The following KIF18A variants were observed in gnomAD, a reference collection of about 807,000 sequenced individuals.
The protein encoded by KIF18A is kinesin family member 18A.
A neutral mutation model predicts 103.3 loss-of-function variants in KIF18A; 67 were observed. That is an observed-to-expected ratio of 0.65 (90% CI 0.53 to 0.79). KIF18A has a LOEUF of 0.79. KIF18A is among the 30% of genes least tolerant of loss of function. The pLI, the probability that KIF18A is intolerant of heterozygous loss-of-function variation, is 0.00. For synonymous variants in KIF18A, 367 were observed against 355.5 expected, an observed-to-expected ratio of 1.03 and a Z score of -0.36; for missense variants, 1,032 against 1,062.5, an observed-to-expected ratio of 0.97 and a Z score of 0.40.
Position 28,021,280 on chromosome 11 carries a change from G to T in KIF18A, c.2617C>A (p.His873Asn). 1 of 1,428,496 alleles carries T rather than the reference G, an allele frequency of 7.0e-7. No individual in the cohort carries two copies. The highest frequency in any genetic ancestry group is 1.5e-5 in the South Asian group (1 of 67,572). The allele number at this position is 1,428,496 out of a possible 1,614,324, so 88.5% of individuals were successfully genotyped here. ...TTTATTTTACAGATGTTTCTTTTAT[G>T]TTCTAGAGAAGAAATAAAAAGATGC... ...HLQENKPTME[H>N]KRNICKINPS... The change falls in exon 17 of 17, where the codon CAT (histidine) becomes AAT (asparagine). Residue 873 changes from histidine (H) to asparagine (N), a missense_variant and splice_region_variant. Coordinates refer to ENST00000263181, the MANE Select transcript of KIF18A (RefSeq NM_031217.4).
intron 1 of KIF18A, among the ~76,000 whole-genome samples, chr11:28,106,374 C>G (rs1362037848): frequency 6.6e-6 from 1 of 151,916 alleles, no homozygotes; most frequent in Admixed American, 6.6e-5. Context: ...GGACTGAAAA[C>G]GATACTCAAC....
chr11:28,087,894 A>G (rs960610984), intron 6 of KIF18A, among the ~76,000 whole-genome samples: 2 of 152,224 alleles, frequency 1.3e-5, no homozygotes, highest in Non-Finnish European at 2.9e-5. Flanking sequence ...GGTTTAACTT[A>G]AATTGCCATA....
At chr11:28,101,745 A>G (rs982096750) in intron 1 of KIF18A, among the ~76,000 whole-genome samples, 1 of 152,214 alleles carries the variant, frequency 6.6e-6, no homozygotes, top group Non-Finnish European at 1.5e-5. Context: ...TATAACTGTG[A>G]CAAGTGCCAT....
At chr11:28,072,212 C>A (rs1328525122) in intron 10 of KIF18A, among the ~76,000 whole-genome samples, 4 of 152,150 alleles carry the variant, frequency 2.6e-5, no homozygotes, top group African/African-American at 9.7e-5. Context: ...CCCCTGCACA[C>A]CACAAAAGTC....
In KIF18A at chr11:28,036,064, A is replaced by G. The variant is rs183349266; in HGVS notation, c.2396+153T>C. ...CTTTAAAATATTTTGTTAGTGAATT[A>G]ATATTCAGAGAGAAAGATAATTAAA... is the stretch of plus-strand genomic sequence containing the variant. On this transcript the variant is annotated intron_variant, in intron 14 of 16. Coordinates refer to ENST00000263181, the MANE Select transcript of KIF18A (RefSeq NM_031217.4). Among the ~76,000 whole-genome samples, 4 of 151,686 alleles carry G rather than the reference A, an allele frequency of 2.6e-5. No homozygotes were observed. The East Asian group carries it at 7.8e-4, about 29-fold the overall frequency.
chr11:28,041,465 A>C (rs1850559392), intron 13 of KIF18A, among the ~76,000 whole-genome samples: 1 of 151,806 alleles, frequency 6.6e-6, no homozygotes, highest in Non-Finnish European at 1.5e-5. Flanking sequence ...GGCTAGTTTG[A>C]TTGAAGTGCT....
intron 12 of KIF18A, among the ~76,000 whole-genome samples, chr11:28,061,940 G>T (rs1468675956): frequency 6.6e-6 from 1 of 152,034 alleles, no homozygotes; most frequent in East Asian, 1.9e-4. Flanking sequence ...GTCTGTTATA[G>T]CATCACATAA....
At chr11:28,044,457 C>T (rs1380410278) in intron 13 of KIF18A, among the ~76,000 whole-genome samples, 1 of 152,016 alleles carries the variant, frequency 6.6e-6, no homozygotes, top group African/African-American at 2.4e-5. Context: ...GTAATAGTTA[C>T]TCATTAATAG....
At chr11:28,049,836 A>T (rs886577666) in intron 13 of KIF18A, among the ~76,000 whole-genome samples, 3 of 152,012 alleles carry the variant, frequency 2.0e-5, no homozygotes, top group Admixed American at 2.0e-4. Context: ...TGGAATTCAT[A>T]GTTGCAAATG....
chr11:28,024,937 T>C (rs1268567989), intron 15 of KIF18A, among the ~76,000 whole-genome samples: 1 of 152,084 alleles, frequency 6.6e-6, no homozygotes, highest in African/African-American at 2.4e-5. Flanking sequence ...ACCGGATATA[T>C]ACTATGTATT....
intron 13 of KIF18A, among the ~76,000 whole-genome samples, chr11:28,046,294 C>A (rs1458577748): frequency 6.7e-6 from 1 of 149,256 alleles, no homozygotes; most frequent in Non-Finnish European, 1.5e-5. Flanking sequence ...TTGGAACCAA[C>A]CCAAATGTCC....
intron 15 of KIF18A, among the ~76,000 whole-genome samples, chr11:28,033,004 A>C (rs1355361541): frequency 6.6e-6 from 1 of 151,746 alleles, no homozygotes; most frequent in East Asian, 1.9e-4. Context: ...AAGGAGCTCA[A>C]ACAACTCTAG....
chr11:28,077,162 C>A lies in KIF18A; in HGVS notation c.1270G>T (p.Glu424Ter), dbSNP rs1851104758. ...PQEKEIERFQ[E>*]ILNCLFQNRE... is the part of the protein sequence containing the mutation. ...TTCTGGAACAAGCAGTTCAGGATTT[C>A]TTGAAACCTACCAAAATTAAAACAC... The change falls in exon 10 of 17, where the codon GAA becomes TAA. Residue 424 changes from glutamate (E) to a stop codon, truncating the protein, a stop_gained. Transcript: ENST00000263181. LOFTEE classifies it high-confidence loss of function. 1 of 1,562,382 alleles carries A rather than the reference C, an allele frequency of 6.4e-7. No individual in the cohort carries two copies. The highest frequency in any genetic ancestry group is 8.6e-7 in the Non-Finnish European group (1 of 1,163,756).
At chr11:28,042,423 C>G (rs1475766197) in intron 13 of KIF18A, among the ~76,000 whole-genome samples, 1 of 151,844 alleles carries the variant, frequency 6.6e-6, no homozygotes, top group East Asian at 1.9e-4. Context: ...CATAGACATA[C>G]TATGTTTTCA....
At chr11:28,107,462 A>ATTTGCCAAACAGTATCTCTTCCG (rs1435693943) in intron 1 of KIF18A, among the ~76,000 whole-genome samples, 22 of 151,956 alleles carry the variant, frequency 1.4e-4, no homozygotes, top group African/African-American at 5.3e-4. Context: ...TCTGCAGAGC[A>ATTTGCCAAACAGTATCTCTTCCG]TTTGCCAAAC....
In KIF18A at chr11:28,098,124, AATAC is replaced by A. The variant is rs540337907; in HGVS notation, c.-46-135_-46-132del. ...CTCACTAGGTAAACACTGGGGGAAA[AATAC>A]ATACATACGTAGGCACACACAACAC... On this transcript the variant is annotated intron_variant, in intron 1 of 16. Transcript: ENST00000263181. 135 of 537,406 alleles carry A rather than the reference AATAC, an allele frequency of 2.5e-4. No homozygotes were observed. In the South Asian group the frequency reaches 2.9e-3, roughly 12 times the overall value. The allele number at this position is 537,406 out of a possible 1,614,324, so 33.3% of individuals were successfully genotyped here.
chr11:28,061,121 C>T (rs1850851408), intron 12 of KIF18A, among the ~76,000 whole-genome samples: 1 of 152,146 alleles, frequency 6.6e-6, no homozygotes, highest in African/African-American at 2.4e-5. Context: ...TAGTCCTAGG[C>T]ACCTATAACA....
At chr11:28,055,085 A>G (rs557732994) in intron 13 of KIF18A, among the ~76,000 whole-genome samples, 94 of 152,280 alleles carry the variant, frequency 6.2e-4, no homozygotes, top group African/African-American at 2.2e-3. Flanking sequence ...AGAATCTGAA[A>G]AAAACTTAAG....
chr11:28,023,171 T>C (rs1283736562), intron 16 of KIF18A, among the ~76,000 whole-genome samples: 1 of 152,188 alleles, frequency 6.6e-6, no homozygotes. Context: ...GAAGTGGTTT[T>C]GTTACCATAA....
Sources: allele counts gnomAD v4.1 joint callset (sites outside exome capture counted in the v4.1 genomes callset), GRCh38; gene constraint gnomAD v4.1.1; transcripts MANE v1.5; gene names NCBI Gene and HGNC (gene_info 2026-07-23, HGNC 2026-07-21).